SUSD6: variants seen among roughly 807,000 people sequenced by gnomAD.
The protein encoded by SUSD6 is sushi domain containing 6.
SUSD6 carries 16 observed loss-of-function variants against 28.4 expected under a neutral mutation model. That is an observed-to-expected ratio of 0.56 (90% CI 0.38 to 0.86). SUSD6 has a LOEUF of 0.86. SUSD6 is among the 40% of genes least tolerant of loss of function. The pLI, the probability that SUSD6 is intolerant of heterozygous loss-of-function variation, is 0.00. For missense variants in SUSD6, 341 were observed against 384.2 expected, an observed-to-expected ratio of 0.89 and a Z score of 0.94; for synonymous variants, 147 against 159.6, an observed-to-expected ratio of 0.92 and a Z score of 0.59.
At chr14:69,622,286 T>C (rs113485231) in intron 1 of SUSD6, among the ~76,000 whole-genome samples, 306 of 152,258 alleles carry the variant, frequency 2.0e-3, no homozygotes, top group African/African-American at 7.2e-3. Flanking sequence ...CACCTCAGCC[T>C]CCTGAATAGC....
chr14:69,702,350 C>T (rs1886324081), intron 2 of SUSD6, among the ~76,000 whole-genome samples: 1 of 152,160 alleles, frequency 6.6e-6, no homozygotes, highest in Non-Finnish European at 1.5e-5. Flanking sequence ...CCCGGCAGTC[C>T]ACCACCTGGG....
chr14:69,714,616 A>G lies in SUSD6; in HGVS notation c.*3637A>G, dbSNP rs954064089. 1 of 152,222 alleles carries G rather than the reference A, an allele frequency of 6.6e-6. No homozygotes were observed. Among genetic ancestry groups the G allele is most frequent in the African/African-American group, 2.4e-5 (1 of 41,454 alleles). 9.4% of individuals were successfully genotyped at this position (152,222 alleles called of 1,614,324 possible). A position where few individuals can be genotyped will look rare whatever the true frequency, so the allele number is the denominator to read the frequency against. On this transcript the variant is annotated 3_prime_UTR_variant, in exon 6 of 6. Transcript: ENST00000342745. ...GGACTTGGAGAATATTTTGCTTGGC[A>G]TATGTTTGGTCTGAATGGTGTAGTT...
chr14:69,658,463 C>G (rs1885616064), intron 1 of SUSD6, 50 bp from the exon 2 acceptor site: 1 of 962,782 alleles, frequency 1.0e-6, no homozygotes, highest in Non-Finnish European at 1.5e-6. Flanking sequence ...CTGCTTTTAA[C>G]TAACTTATGG....
intron 2 of SUSD6, among the ~76,000 whole-genome samples, chr14:69,662,597 ATTC>A (rs1407188878): frequency 1.3e-5 from 2 of 152,206 alleles, no homozygotes; most frequent in Non-Finnish European, 2.9e-5. Context: ...GGCGTATCTT[ATTC>A]TTCACACCTA....
intron 1 of SUSD6, among the ~76,000 whole-genome samples, chr14:69,651,877 C>A (rs1166154588): frequency 6.6e-6 from 1 of 152,172 alleles, no homozygotes; most frequent in African/African-American, 2.4e-5. Context: ...ACTTATCACA[C>A]CCCTCTGGGG....
intron 1 of SUSD6, among the ~76,000 whole-genome samples, chr14:69,627,352 C>T (rs1468784050): frequency 6.6e-6 from 1 of 152,214 alleles, no homozygotes; most frequent in Non-Finnish European, 1.5e-5. Context: ...CAGGGAGAGG[C>T]ATGGCACACT....
intron 2 of SUSD6, among the ~76,000 whole-genome samples, chr14:69,678,418 TA>T (rs1885947222): frequency 1.3e-5 from 2 of 151,814 alleles, no homozygotes; most frequent in African/African-American, 4.8e-5. Context: ...GCAGTGATGA[TA>T]TGTAACAGTA....
intron 1 of SUSD6, among the ~76,000 whole-genome samples, chr14:69,612,801 A>T (rs1035572587): frequency 6.6e-6 from 1 of 152,272 alleles, no homozygotes. Context: ...TACTCAGTTC[A>T]ATTAGGCCTA....
intron 1 of SUSD6, among the ~76,000 whole-genome samples, chr14:69,635,479 G>T (rs547995491): frequency 3.1e-4 from 47 of 152,250 alleles, no homozygotes; most frequent in African/African-American, 1.1e-3. Context: ...AAACAGTGAG[G>T]TTTGGAAATC....
chr14:69,684,696 C>T (rs887079293), intron 2 of SUSD6, among the ~76,000 whole-genome samples: 4 of 152,238 alleles, frequency 2.6e-5, no homozygotes, highest in Non-Finnish European at 5.9e-5. Flanking sequence ...AGCAGTTCCT[C>T]TTTGGGGGTC....
At position 69,653,534 on chromosome 14, in the gene SUSD6, C is replaced by CT. The variant is rs1223574678; in HGVS notation, c.-80-4978dup. Reference sequence around the variant, plus strand: ...TGAGGCCCTCTCCTCTGTCTCAGCTCTAAGTTCAGATGTGATATTCCTTGT... The same window carrying CT: ...TGAGGCCCTCTCCTCTGTCTCAGCTCTTAAGTTCAGATGTGATATTCCTTGT... On this transcript the variant is annotated intron_variant, in intron 1 of 5. Transcript: ENST00000342745. Among the ~76,000 whole-genome samples the CT allele has an allele frequency of 4.6e-5, 7 of 152,252 alleles. No individual in the cohort carries two copies. In the East Asian group the frequency reaches 1.4e-3, roughly 29 times the overall value.
At chr14:69,662,356 C>T (rs1380974578) in intron 2 of SUSD6, among the ~76,000 whole-genome samples, 1 of 152,166 alleles carries the variant, frequency 6.6e-6, no homozygotes, top group Non-Finnish European at 1.5e-5. Context: ...TCAAATATCA[C>T]AGTTTTGATC....
chr14:69,677,692 A>G (rs1885934477), intron 2 of SUSD6, among the ~76,000 whole-genome samples: 1 of 152,186 alleles, frequency 6.6e-6, no homozygotes, highest in Non-Finnish European at 1.5e-5. Context: ...GTAGAAACAG[A>G]TCTGCCAGAG....
chr14:69,694,694 C>T (rs576917558), intron 2 of SUSD6, among the ~76,000 whole-genome samples: 229 of 152,264 alleles, frequency 1.5e-3, no homozygotes, highest in African/African-American at 5.4e-3. Context: ...ATGAAAACTC[C>T]AGGTGACAGG....
chr14:69,652,324 G>A (rs1443555720), intron 1 of SUSD6, among the ~76,000 whole-genome samples: 5 of 152,134 alleles, frequency 3.3e-5, no homozygotes, highest in Non-Finnish European at 5.9e-5. Flanking sequence ...GCGTGCGCCT[G>A]TAGTCCCAGC....
rs371628082 is a variant in SUSD6, at chr14:69,714,399, G to A, written c.*3420G>A. The A allele has an allele frequency of 4.6e-5, 7 of 152,050 alleles. No homozygotes were observed. The highest frequency in any genetic ancestry group is 1.7e-4 in the African/African-American group (7 of 41,450). The allele number at this position is 152,050 out of a possible 1,614,324, so 9.4% of individuals were successfully genotyped here. ...CGAGGAACATCCTTGCGTAGAGAAT[G>A]AAATATGCTGCAATCATTTCTGCAT... On this transcript the variant is annotated 3_prime_UTR_variant, in exon 6 of 6. Coordinates refer to ENST00000342745, the MANE Select transcript of SUSD6 (RefSeq NM_014734.4).
chr14:69,705,331 A>AT (rs1410632180), intron 4 of SUSD6, among the ~76,000 whole-genome samples: 1 of 142,076 alleles, frequency 7.0e-6, no homozygotes, highest in Non-Finnish European at 1.6e-5. Flanking sequence ...AAAAAAAAAA[A>AT]ACAAAAAAAA....
chr14:69,652,791 G>A (rs1885522860), intron 1 of SUSD6, among the ~76,000 whole-genome samples: 1 of 152,132 alleles, frequency 6.6e-6, no homozygotes, highest in Admixed American at 6.5e-5. Flanking sequence ...AGGCTCTTGG[G>A]TTAACTTGGA....
chr14:69,649,624 G>A (rs1885475424), intron 1 of SUSD6, among the ~76,000 whole-genome samples: 2 of 152,112 alleles, frequency 1.3e-5, no homozygotes, highest in South Asian at 4.1e-4. Context: ...GCACTTGGGG[G>A]CAGAGAATTG....
Sources: gnomAD v4.1 joint callset for allele counts (sites outside exome capture counted in the v4.1 genomes callset) on GRCh38, gnomAD v4.1.1 for gene constraint, MANE v1.5 for transcripts, NCBI Gene and HGNC (gene_info 2026-07-23, HGNC 2026-07-21) for gene names.